The following MUC4 variants were observed in gnomAD, a reference collection of about 807,000 sequenced individuals.
The protein encoded by MUC4 is mucin-4.
A neutral mutation model predicts 257.9 loss-of-function variants in MUC4; 202 were observed. The ratio of observed to expected loss-of-function variants is 0.78; its 90% CI spans 0.70 to 0.88. MUC4 has a LOEUF of 0.88. MUC4 is among the 40% of genes least tolerant of loss of function. The pLI, the probability that MUC4 is intolerant of heterozygous loss-of-function variation, is 0.00. For missense variants in MUC4, 5,976 were observed against 6,513.7 expected (o/e 0.92, Z 2.84); for synonymous variants, 2,351 against 2,757.1 (o/e 0.85, Z 4.62).
Position 195,765,115 on chromosome 3 carries a change from C to G in MUC4, c.13806G>C (p.Trp4602Cys). The G allele has an allele frequency of 2.5e-6, 4 of 1,612,486 alleles. No homozygotes were observed. Among genetic ancestry groups the G allele is most frequent in the Non-Finnish European group, 3.4e-6 (4 of 1,179,200 alleles). The change falls in exon 10 of 25, where the codon TGG (tryptophan) becomes TGC (cysteine). Residue 4602 changes from tryptophan (W) to cysteine (C), a missense_variant. This residue lies in a region of MUC4 where 996 missense variants were observed against 1,137.3 expected (regional missense o/e 0.88). Transcript: ENST00000463781. ...LRFQPVSIGR[W>C]GLGSRQLCSF... is the part of the protein sequence containing the mutation. ...TGCACAGCTGCCTACTGCCGAGGCC[C>G]CAGCGACCTGAAACAAGTCCAGTCC...
At chr3:195,796,975 G>C (rs914995433) in intron 1 of MUC4, among the ~76,000 whole-genome samples, 11 of 152,334 alleles carry the variant, frequency 7.2e-5, no homozygotes, top group Non-Finnish European at 2.9e-5. Flanking sequence ...GGGCGCGGCG[G>C]CTCACGCCTG....
At position 195,789,013 on chromosome 3, in the gene MUC4, G is replaced by T. The variant is rs761600818; in HGVS notation, c.2567C>A (p.Ala856Asp). 4.3e-6 allele frequency: 7 copies of T among 1,613,740 alleles called. No individual in the cohort carries two copies. The highest frequency in any genetic ancestry group is 1.3e-5 in the African/African-American group (1 of 74,856). The change falls in exon 2 of 25, where the codon GCC (alanine) becomes GAC (aspartate). Residue 856 changes from alanine (A) to aspartate (D), a missense_variant. Coordinates refer to ENST00000463781, the MANE Select transcript of MUC4 (RefSeq NM_018406.7). The stretch of plus-strand genomic sequence containing the variant: ...CGCCATTCCTGTGCTTACTGGGATG[G>T]CACCATGACTGGCTGAGGCGGACAG... ...ELLSASASHGAIPVSTGMASS... is the reference protein window; with the variant it reads ...ELLSASASHGDIPVSTGMASS...
intron 1 of MUC4, among the ~76,000 whole-genome samples, chr3:195,807,700 G>A (rs1036680129): frequency 1.3e-5 from 2 of 152,216 alleles, no homozygotes; most frequent in Non-Finnish European, 2.9e-5. Flanking sequence ...CTTCAGAGAA[G>A]TGGCTCTGTG....
intron 7 of MUC4, among the ~76,000 whole-genome samples, chr3:195,767,136 T>C (rs1207517415): frequency 6.6e-6 from 1 of 152,050 alleles, no homozygotes; most frequent in African/African-American, 2.4e-5. Flanking sequence ...TAAGACCCAG[T>C]TTCTGGAGTT....
At chr3:195,804,447 C>T (rs1429496400) in intron 1 of MUC4, among the ~76,000 whole-genome samples, 1 of 152,194 alleles carries the variant, frequency 6.6e-6, no homozygotes, top group African/African-American at 2.4e-5. Context: ...AGACAGATTC[C>T]AAGAAGGGTG....
chr3:195,776,061 C>T lies in MUC4; in HGVS notation c.12944-1756G>A, dbSNP rs1265452610. ...ACGGCCATAACTTCCACACCCATAC[C>T]TTCCACACCCTTACCTTCCACACCC... On this transcript the variant is annotated intron_variant, in intron 3 of 24. Coordinates refer to ENST00000463781, the MANE Select transcript of MUC4 (RefSeq NM_018406.7). Among the ~76,000 whole-genome samples the T allele has an allele frequency of 2.4e-3, 79 of 33,408 alleles. 1 individual carries two copies. The highest frequency in any genetic ancestry group is 0.016 in the African/African-American group (76 of 4,694). 21.9% of individuals were successfully genotyped at this position (33,408 alleles called of 152,430 possible). A position where few individuals can be genotyped will look rare whatever the true frequency, so the allele number is the denominator to read the frequency against.
intron 3 of MUC4, 73 bp downstream of exon 3, chr3:195,778,230 G>C (rs1011452558): frequency 1.3e-6 from 2 of 1,492,176 alleles, no homozygotes; most frequent in African/African-American, 1.4e-5. Flanking sequence ...GGAGACTGTG[G>C]GAAGTAGGCT....
At position 195,803,115 on chromosome 3, in the gene MUC4, G is replaced by A. The variant is rs185825427; in HGVS notation, c.82+8621C>T. ...ATTATATGTCTTCCTAAAAGTTGCA[G>A]GGGCTAAAACCTTGAGAGAGACAAA... On this transcript the variant is annotated intron_variant, in intron 1 of 24. Transcript: ENST00000463781. Among the ~76,000 whole-genome samples the A allele has an allele frequency of 4.6e-5, 7 of 152,314 alleles. No homozygotes were observed. In the East Asian group the frequency reaches 1.4e-3, roughly 29 times the overall value.
rs1166249188 is a variant in MUC4 at position 195,790,670 on chromosome 3, C to G, written c.910G>C (p.Gly304Arg). 2 of 1,613,930 alleles carry G rather than the reference C, an allele frequency of 1.2e-6. No homozygotes were observed. The highest frequency in any genetic ancestry group is 1.7e-6 in the Non-Finnish European group (2 of 1,179,870). The change falls in exon 2 of 25, where the codon GGA (glycine) becomes CGA (arginine). Residue 304 changes from glycine (G) to arginine (R), a missense_variant. Gly to Arg is a moderately radical substitution (Grantham distance 125). Transcript: ENST00000463781. ...CTTGAGAAAGTTGCTGGTGATTGTC[C>G]TTCTGGATCAAATGTTACTAAGGCT... The part of the protein sequence containing the change: ...SAALVTFDPE[G>R]QSPATFSRTS...
In MUC4 at chr3:195,791,259, T is replaced by C. The variant is rs1219517742; in HGVS notation, c.321A>G (p.Val107=). The C allele has an allele frequency of 6.6e-6, 3 of 456,836 alleles. No homozygotes were observed. The highest frequency in any genetic ancestry group is 5.6e-4 in the Middle Eastern group (1 of 1,794). 28.3% of individuals were successfully genotyped at this position (456,836 alleles called of 1,614,324 possible). A position where few individuals can be genotyped will look rare whatever the true frequency, so the allele number is the denominator to read the frequency against. ...GAGGAGCTGTCTCCATCACATTGTGTACACTTGGGGAAGAAAAAAGAGTTG... is the reference window on the plus strand; with the variant it reads ...GAGGAGCTGTCTCCATCACATTGTGCACACTTGGGGAAGAAAAAAGAGTTG... ...MTSTLFSSPS[V]HNVMETAPPD... Residue 107 remains valine (V), a synonymous_variant, in exon 2 of 25, where the codon GTA becomes GTG. Coordinates refer to ENST00000463781, the MANE Select transcript of MUC4 (RefSeq NM_018406.7).
intron 8 of MUC4, 48 bp downstream of exon 8, chr3:195,766,615 A>G: frequency 6.5e-7 from 1 of 1,547,674 alleles, no homozygotes; most frequent in South Asian, 1.1e-5. Context: ...GCTGGAGGAC[A>G]CGCGAGGGCT....
At position 195,755,084 on chromosome 3, in the gene MUC4, T is replaced by C. The variant is rs1311486572; in HGVS notation, c.15169-712A>G. Among the ~76,000 whole-genome samples the C allele has an allele frequency of 6.6e-6, 1 of 152,020 alleles. No homozygotes were observed. The highest frequency in any genetic ancestry group is 1.9e-4 in the East Asian group (1 of 5,180). On this transcript the variant is annotated intron_variant, in intron 18 of 24. Transcript: ENST00000463781. The surrounding 1 kb of genome is among the most constrained non-coding windows in gnomAD (Gnocchi z 5.0). ...CAGGCTGGAGTGCAATGTCTTGATC[T>C]TGGCTCACTGCAAACTCCACCTCCC...
Position 195,762,851 on chromosome 3 carries a change from C to T in MUC4, c.14344+4G>A, listed in dbSNP as rs377755888. 1.9e-6 allele frequency: 3 copies of T among 1,554,390 alleles called. No individual in the cohort carries two copies. The highest frequency in any genetic ancestry group is 2.6e-6 in the Non-Finnish European group (3 of 1,151,170). ...GAGGGGGCGGCCGGCGCTCCCCAAC[C>T]TACCTCCGCCGTCTTCATGGTCAGG... is the stretch of plus-strand genomic sequence containing the variant. On this transcript the variant is annotated splice_donor_region_variant and intron_variant, in intron 13 of 24. Coordinates refer to ENST00000463781, the MANE Select transcript of MUC4 (RefSeq NM_018406.7).
intron 1 of MUC4, among the ~76,000 whole-genome samples, chr3:195,801,678 C>T (rs1384149618): frequency 6.6e-6 from 1 of 152,128 alleles, no homozygotes; most frequent in Non-Finnish European, 1.5e-5. Flanking sequence ...ACTCACTTCG[C>T]TCAAGCCGTT....
chr3:195,762,594 A>G (rs1460244018), intron 13 of MUC4, among the ~76,000 whole-genome samples: 46 of 110,076 alleles, frequency 4.2e-4, no homozygotes, highest in East Asian at 6.0e-4. Context: ...ACCGCCACGC[A>G]CCCGGCCCTG....
At position 195,787,958 on chromosome 3, in the gene MUC4, A is replaced by G; in HGVS notation, c.3622T>C (p.Ser1208Pro). 1.7e-6 allele frequency: 2 copies of G among 1,202,554 alleles called. No homozygotes were observed. The highest frequency in any genetic ancestry group is 2.7e-5 in the South Asian group (2 of 73,284). 74.5% of individuals were successfully genotyped at this position (1,202,554 alleles called of 1,614,324 possible). A position where few individuals can be genotyped will look rare whatever the true frequency, so the allele number is the denominator to read the frequency against. The part of the protein sequence containing the change: ...ATPLLVTDTS[S>P]ASTGHATPLP... The stretch of plus-strand genomic sequence containing the variant: ...GGGGTGGCGTGTCCTGTGGATGCTG[A>G]GGAAGTGTCGGTGACAAGAAGAGGG... The change falls in exon 2 of 25, where the codon TCA becomes CCA. Residue 1208 changes from serine to proline, a missense_variant. Physicochemically the swap from Ser to Pro is moderately conservative, Grantham distance 74. Around this residue, in one of 44 missense-constraint regions of MUC4, gnomAD observed 90 missense variants for 106.2 expected, o/e 0.85. Transcript: ENST00000463781.
intron 1 of MUC4, among the ~76,000 whole-genome samples, chr3:195,807,656 G>A (rs932474994): frequency 1.3e-5 from 2 of 152,140 alleles, no homozygotes; most frequent in African/African-American, 4.8e-5. Flanking sequence ...CTGAAACTAG[G>A]GGGAGAGAGA....
At position 195,789,301 on chromosome 3, in the gene MUC4, G is replaced by A; in HGVS notation, c.2279C>T (p.Ala760Val). The A allele has an allele frequency of 1.9e-6, 3 of 1,613,926 alleles. No individual in the cohort carries two copies. Among genetic ancestry groups the A allele is most frequent in the Non-Finnish European group, 2.5e-6 (3 of 1,179,866 alleles). The change falls in exon 2 of 25, where the codon GCC (alanine) becomes GTC (valine). Residue 760 changes from alanine (A) to valine (V), a missense_variant. Around this residue, in one of 44 missense-constraint regions of MUC4, gnomAD observed 1,583 missense variants for 1,257.4 expected, o/e 1.26. Coordinates refer to ENST00000463781, the MANE Select transcript of MUC4 (RefSeq NM_018406.7). ...GPEGQWTSAS[A>V]STSPDTAAAM... ...TGCTGCTGTGTCAGGTGAGGTGCTG[G>A]CAGAGGCTGATGTCCATTGTCCTTC...
chr3:195,747,113 G>A lies in MUC4; in HGVS notation c.*63C>T, dbSNP rs1488026859. The A allele has an allele frequency of 3.3e-5, 52 of 1,593,080 alleles. No homozygotes were observed. Among genetic ancestry groups the A allele is most frequent in the Middle Eastern group, 3.3e-4 (2 of 5,996 alleles). ...CTTTTCCAGTCTCCCAAAAGCAATGGCGCCTTAAATGTGCGGTAAGGATGA... is the reference window on the plus strand; with the variant it reads ...CTTTTCCAGTCTCCCAAAAGCAATGACGCCTTAAATGTGCGGTAAGGATGA... On this transcript the variant is annotated 3_prime_UTR_variant, in exon 25 of 25. Coordinates refer to ENST00000463781, the MANE Select transcript of MUC4 (RefSeq NM_018406.7).
Sources: allele counts gnomAD v4.1 joint callset (sites outside exome capture counted in the v4.1 genomes callset), GRCh38; gene constraint gnomAD v4.1.1; regional missense constraint gnomAD v4.1.1; non-coding constraint Gnocchi (gnomAD v3.1); transcripts MANE v1.5; gene names NCBI Gene and HGNC (gene_info 2026-07-23, HGNC 2026-07-21).